Variants in CCSER1 observed in about 807,000 individuals in gnomAD.
CCSER1 encodes coiled-coil serine rich protein 1.
CCSER1 carries 41 observed loss-of-function variants against 82.0 expected under a neutral mutation model. The ratio of observed to expected loss-of-function variants is 0.50; its 90% confidence interval spans 0.39 to 0.65. CCSER1 has a LOEUF of 0.65. Ranked by LOEUF, CCSER1 falls within the 30% of genes least tolerant of loss-of-function variation. CCSER1 has a pLI of 0.00. For missense variants in CCSER1, 1,119 were observed against 1,064.2 expected (o/e 1.05, Z -0.72); for synonymous variants, 414 against 383.9 (o/e 1.08, Z -0.92).
intron 10 of CCSER1, among the ~76,000 whole-genome samples, chr4:91,473,158 G>A (rs1406617516): frequency 1.3e-5 from 2 of 152,156 alleles, no homozygotes; most frequent in Non-Finnish European, 1.5e-5. Flanking sequence ...TTCTCCTTGA[G>A]ATGAGCAAAC....
At chr4:90,913,798 G>T (rs372047838) in intron 8 of CCSER1, among the ~76,000 whole-genome samples, 1 of 141,246 alleles carries the variant, frequency 7.1e-6, no homozygotes, top group Non-Finnish European at 1.5e-5. Context: ...TGGAGGAAGA[G>T]CTACCAAGCA....
chr4:90,859,138 T>C lies in CCSER1; in HGVS notation c.2094+43293T>C, dbSNP rs139571239. ...AAATTCATATGTAGCACACAGAAACTGATCCCATTCTAGTCTTACTTCTGA... is the reference window on the plus strand; with the variant it reads ...AAATTCATATGTAGCACACAGAAACCGATCCCATTCTAGTCTTACTTCTGA... On this transcript the variant is annotated intron_variant, in intron 8 of 10. Transcript: ENST00000509176. Among the ~76,000 whole-genome samples the C allele has an allele frequency of 4.7e-4, 71 of 151,982 alleles. 1 individual carries two copies. The East Asian group carries it at 0.011, about 24-fold the overall frequency.
At chr4:91,322,038 G>A (rs1002270605) in intron 10 of CCSER1, among the ~76,000 whole-genome samples, 4 of 151,966 alleles carry the variant, frequency 2.6e-5, no homozygotes, top group Non-Finnish European at 5.9e-5. Context: ...TTCAAAAGAG[G>A]CACTGAATGA....
chr4:90,482,459 A>G (rs1265979638), intron 5 of CCSER1, among the ~76,000 whole-genome samples: 2 of 151,826 alleles, frequency 1.3e-5, no homozygotes, highest in East Asian at 3.9e-4. Context: ...TTTAATTGTG[A>G]TGTTAGGGTG....
intron 10 of CCSER1, among the ~76,000 whole-genome samples, chr4:91,260,392 A>C (rs1169575851): frequency 6.6e-6 from 1 of 152,232 alleles, no homozygotes; most frequent in Non-Finnish European, 1.5e-5. Flanking sequence ...TCATACAAGT[A>C]ATAACTACTG....
intron 10 of CCSER1, among the ~76,000 whole-genome samples, chr4:91,544,734 T>A (rs962496779): frequency 2.0e-5 from 3 of 152,056 alleles, no homozygotes; most frequent in African/African-American, 4.8e-5. Context: ...GGGGGGTGCC[T>A]CCCAGTTAGG....
chr4:91,580,362 C>T (rs1411578600), intron 10 of CCSER1, among the ~76,000 whole-genome samples: 2 of 151,798 alleles, frequency 1.3e-5, no homozygotes, highest in African/African-American at 2.4e-5. Context: ...TTGTGCTAAG[C>T]ACATTCCATA....
At chr4:91,388,625 T>C (rs550746553) in intron 10 of CCSER1, among the ~76,000 whole-genome samples, 5 of 152,210 alleles carry the variant, frequency 3.3e-5, no homozygotes, top group Admixed American at 2.0e-4. Context: ...TATCTGGTTG[T>C]TTTAATGTGC....
At chr4:90,487,191 C>T (rs935939601) in intron 5 of CCSER1, among the ~76,000 whole-genome samples, 9 of 152,192 alleles carry the variant, frequency 5.9e-5, no homozygotes, top group African/African-American at 9.6e-5. Context: ...GGATTACAGG[C>T]GTGAGCCACT....
At chr4:91,125,724 AG>A (rs1727453687) in intron 10 of CCSER1, among the ~76,000 whole-genome samples, 1 of 151,676 alleles carries the variant, frequency 6.6e-6, no homozygotes, top group Non-Finnish European at 1.5e-5. Context: ...AAGTAGAAAA[AG>A]GGTATACATT....
At chr4:90,669,732 GA>G (rs1430230297) in intron 6 of CCSER1, among the ~76,000 whole-genome samples, 1 of 151,812 alleles carries the variant, frequency 6.6e-6, no homozygotes, top group Admixed American at 6.6e-5. Context: ...CTTTTTAGTA[GA>G]AGAAAAAAAT....
At chr4:91,068,297 G>T (rs1344662184) in intron 9 of CCSER1, among the ~76,000 whole-genome samples, 1 of 152,188 alleles carries the variant, frequency 6.6e-6, no homozygotes, top group Non-Finnish European at 1.5e-5. Context: ...CTTTGGGTTT[G>T]AGAGGATATT....
chr4:90,429,486 A>G (rs932932527), intron 4 of CCSER1, among the ~76,000 whole-genome samples: 1 of 151,864 alleles, frequency 6.6e-6, no homozygotes, highest in African/African-American at 2.4e-5. Context: ...AGTCTTTACA[A>G]TTCAGGAAAA....
intron 1 of CCSER1, among the ~76,000 whole-genome samples, chr4:90,218,349 A>G (rs866017436): frequency 8.5e-5 from 13 of 152,200 alleles, no homozygotes; most frequent in Middle Eastern, 6.8e-3. Flanking sequence ...ATAGTATTTA[A>G]CTATTGAGTA....
intron 10 of CCSER1, among the ~76,000 whole-genome samples, chr4:91,318,712 C>T (rs1287684825): frequency 6.6e-6 from 1 of 151,898 alleles, no homozygotes; most frequent in Non-Finnish European, 1.5e-5. Context: ...TTCTCTATGT[C>T]ATAACTTTTT....
At chr4:90,366,903 A>G (rs1001930840) in intron 3 of CCSER1, among the ~76,000 whole-genome samples, 1 of 151,888 alleles carries the variant, frequency 6.6e-6, no homozygotes, top group Non-Finnish European at 1.5e-5. Flanking sequence ...GAAATTTAAT[A>G]AAAGGTATGT....
intron 5 of CCSER1, among the ~76,000 whole-genome samples, chr4:90,616,683 TCACACACACACACACACACACA>T (rs56988615): frequency 1.2e-4 from 15 of 120,306 alleles, no homozygotes; most frequent in Admixed American, 2.7e-4. Context: ...TGGCTCTGTC[TCACACACACACACACACACACA>T]CACACACACA....
In CCSER1 at chr4:90,257,213, T is replaced by TTA. The variant is rs72437251; in HGVS notation, c.-41-51016_-41-51015dup. Among the ~76,000 whole-genome samples the TTA allele has an allele frequency of 4.2e-3, 627 of 150,198 alleles. 5 individuals carry two copies. Among genetic ancestry groups the TTA allele is most frequent in the African/African-American group, 0.013 (546 of 40,946 alleles). The stretch of plus-strand genomic sequence containing the variant: ...GTGTCTTATGTTATAAAATGAAATG[T>TTA]TATATATATATATATAGGTATATGT... On this transcript the variant is annotated intron_variant, in intron 1 of 10. Coordinates refer to ENST00000509176, the MANE Select transcript of CCSER1 (RefSeq NM_001145065.2).
At chr4:90,817,912 A>G (rs541826624) in intron 8 of CCSER1, among the ~76,000 whole-genome samples, 2 of 152,304 alleles carry the variant, frequency 1.3e-5, no homozygotes, top group Non-Finnish European at 2.9e-5. Flanking sequence ...TTTTACACTT[A>G]TGCTTTACTT....
Sources: allele counts gnomAD v4.1 joint callset (sites outside exome capture counted in the v4.1 genomes callset), GRCh38; gene constraint gnomAD v4.1.1; transcripts MANE v1.5; gene names NCBI Gene and HGNC (gene_info 2026-07-23, HGNC 2026-07-21).